Variants in IPCEF1 observed in about 807,000 individuals in gnomAD.
The protein encoded by IPCEF1 is interaction protein for cytohesin exchange factors 1.
A neutral mutation model predicts 50.9 loss-of-function variants in IPCEF1; 31 were observed. The ratio of observed to expected loss-of-function variants is 0.61; its 90% CI spans 0.46 to 0.82. The LOEUF (loss-of-function observed/expected upper bound fraction) is 0.82. Ranked by LOEUF, IPCEF1 falls within the 40% of genes least tolerant of loss-of-function variation. The pLI is 0.00. For synonymous variants in IPCEF1, 181 were observed against 192.0 expected (o/e 0.94, Z 0.47); for missense variants, 458 against 514.0 (o/e 0.89, Z 1.05).
intron 3 of IPCEF1, among the ~76,000 whole-genome samples, chr6:154,259,377 G>A (rs1781538503): frequency 6.6e-6 from 1 of 152,190 alleles, no homozygotes; most frequent in Admixed American, 6.5e-5. Context: ...TGCGCGCTGG[G>A]CATGGTGGCT....
chr6:154,192,709 T>A (rs1205818449), intron 10 of IPCEF1, among the ~76,000 whole-genome samples: 1 of 151,964 alleles, frequency 6.6e-6, no homozygotes, highest in Non-Finnish European at 1.5e-5. Context: ...GCTAAGGACA[T>A]GAATAGACAG....
intron 1 of IPCEF1, among the ~76,000 whole-genome samples, chr6:154,318,730 A>AG (rs1468176626): frequency 2.0e-4 from 30 of 150,604 alleles, no homozygotes; most frequent in Admixed American, 1.1e-3. Context: ...AAAAAAAAAA[A>AG]AAGAAGAAGA....
At chr6:154,345,561 CA>C (rs1224157472) in intron 1 of IPCEF1, among the ~76,000 whole-genome samples, 1 of 152,228 alleles carries the variant, frequency 6.6e-6, no homozygotes, top group African/African-American at 2.4e-5. Context: ...TGACACCTCC[CA>C]AACCATGCCT....
chr6:154,329,438 A>G (rs781391740), intron 1 of IPCEF1, among the ~76,000 whole-genome samples: 1 of 152,096 alleles, frequency 6.6e-6, no homozygotes, highest in South Asian at 2.1e-4. Flanking sequence ...TCTACAAAAA[A>G]TAAAAAAAAT....
rs1390006063 is a variant in IPCEF1 at position 154,158,241 on chromosome 6, G to T, written c.*1587C>A. The T allele has an allele frequency of 6.6e-6, 1 of 152,156 alleles. No homozygotes were observed. Among genetic ancestry groups the T allele is most frequent in the Non-Finnish European group, 1.5e-5 (1 of 68,040 alleles). The allele number at this position is 152,156 out of a possible 1,614,324, so 9.4% of individuals were successfully genotyped here. A position where few individuals can be genotyped will look rare whatever the true frequency, so the allele number is the denominator to read the frequency against. The stretch of plus-strand genomic sequence containing the variant: ...ACTTTGAAGCTATAAAACAAAATAG[G>T]TTGTGTGAACAATTTGTTACGGGTA... On this transcript the variant is annotated 3_prime_UTR_variant, in exon 12 of 12. Coordinates refer to ENST00000367220, the MANE Select transcript of IPCEF1 (RefSeq NM_001130700.2).
chr6:154,243,154 C>G (rs1412279314), intron 5 of IPCEF1, among the ~76,000 whole-genome samples: 2 of 152,186 alleles, frequency 1.3e-5, no homozygotes, highest in Non-Finnish European at 2.9e-5. Context: ...CCATCTTTAA[C>G]TGGGTAGGGC....
intron 3 of IPCEF1, among the ~76,000 whole-genome samples, chr6:154,258,909 A>G (rs1781525772): frequency 6.6e-6 from 1 of 152,196 alleles, no homozygotes; most frequent in South Asian, 2.1e-4. Flanking sequence ...TAAGCACTCA[A>G]AAAAATATTT....
intron 1 of IPCEF1, among the ~76,000 whole-genome samples, chr6:154,313,067 C>CAAAAAAAA (rs71021040): frequency 0.028 from 1,653 of 58,804 alleles, 190 homozygotes; most frequent in Non-Finnish European, 0.036. Flanking sequence ...GGCCCTGTCT[C>CAAAAAAAA]AAAAAAAAAA....
chr6:154,308,354 C>T (rs1299685866), intron 1 of IPCEF1, among the ~76,000 whole-genome samples: 1 of 152,058 alleles, frequency 6.6e-6, no homozygotes, highest in Non-Finnish European at 1.5e-5. Context: ...AACTCCTGAG[C>T]TCAGGTGATC....
rs779344563 is a variant in IPCEF1, at chr6:154,247,481, G to A, written c.44C>T (p.Pro15Leu). ...MAIDGSALQV[P>L]LRQKPRRKTQ... ...TTTCCTCCTGGGCTTCTGACGCAAG[G>A]GAACCTGCTGAAAATGCAGGAAGGA... Residue 15 changes from proline (P) to leucine (L), a missense_variant, in exon 4 of 12, where the codon CCC becomes CTC. Physicochemically the swap from Pro to Leu is moderately conservative, Grantham distance 98 (BLOSUM62 -3). Transcript: ENST00000367220. The A allele has an allele frequency of 1.2e-6, 2 of 1,612,144 alleles. No homozygotes were observed. The highest frequency in any genetic ancestry group is 2.2e-5 in the South Asian group (2 of 90,958).
intron 5 of IPCEF1, among the ~76,000 whole-genome samples, chr6:154,240,018 A>C (rs1452777640): frequency 6.6e-6 from 1 of 152,252 alleles, no homozygotes; most frequent in Non-Finnish European, 1.5e-5. Flanking sequence ...AAACATTTCA[A>C]AACATTGGAA....
At chr6:154,275,531 C>A (rs936403472) in intron 2 of IPCEF1, among the ~76,000 whole-genome samples, 7 of 152,142 alleles carry the variant, frequency 4.6e-5, no homozygotes, top group African/African-American at 1.4e-4. Context: ...CAAGCGATGG[C>A]CCTTACTTTT....
At chr6:154,256,062 T>TA in intron 3 of IPCEF1, among the ~76,000 whole-genome samples, 1 of 152,336 alleles carries the variant, frequency 6.6e-6, no homozygotes, top group South Asian at 2.1e-4. Context: ...GGATTTGTCT[T>TA]AGTCAGTTTG....
At chr6:154,287,937 C>A (rs976109299) in intron 2 of IPCEF1, among the ~76,000 whole-genome samples, 1 of 152,160 alleles carries the variant, frequency 6.6e-6, no homozygotes, top group Non-Finnish European at 1.5e-5. Flanking sequence ...ATAAAGCATT[C>A]TTTACTGCAG....
At chr6:154,331,405 A>AAGAAAGAG (rs60403800) in intron 1 of IPCEF1, among the ~76,000 whole-genome samples, 4,769 of 92,698 alleles carry the variant, frequency 0.051, 123 homozygotes, top group South Asian at 0.069. Context: ...GAAAGAAAGA[A>AAGAAAGAG]AGAGAGAGAA....
chr6:154,238,858 C>A (rs539911064), intron 5 of IPCEF1, among the ~76,000 whole-genome samples: 2 of 151,656 alleles, frequency 1.3e-5, no homozygotes, highest in East Asian at 3.9e-4. Context: ...ATTGTATAAT[C>A]TTTTAAAGCA....
intron 2 of IPCEF1, among the ~76,000 whole-genome samples, chr6:154,279,112 G>A (rs1782142207): frequency 6.7e-6 from 1 of 149,878 alleles, no homozygotes. Flanking sequence ...GACAGAGCCA[G>A]ACCCTGTCTC....
At chr6:154,331,431 G>C (rs1390869606) in intron 1 of IPCEF1, among the ~76,000 whole-genome samples, 1 of 143,082 alleles carries the variant, frequency 7.0e-6, no homozygotes, top group Non-Finnish European at 1.5e-5. Flanking sequence ...AAGAGAGAGA[G>C]AGAAAGAAAG....
intron 1 of IPCEF1, among the ~76,000 whole-genome samples, chr6:154,348,544 T>C (rs1784072255): frequency 6.6e-6 from 1 of 152,188 alleles, no homozygotes; most frequent in African/African-American, 2.4e-5. Context: ...CAATAAGTAT[T>C]TGGTGAAGGT....
Sources: allele counts gnomAD v4.1 joint callset (sites outside exome capture counted in the v4.1 genomes callset), GRCh38; gene constraint gnomAD v4.1.1; transcripts MANE v1.5; gene names NCBI Gene and HGNC (gene_info 2026-07-23, HGNC 2026-07-21).